PSD3: variants seen among roughly 807,000 people sequenced by gnomAD.
PSD3 encodes PH and SEC7 domain-containing protein 3.
Under a neutral mutation model 105.5 loss-of-function variants are expected in PSD3, and 49 were observed. The observed-to-expected ratio is 0.46, with a 90% confidence interval of 0.37 to 0.59. The LOEUF (loss-of-function observed/expected upper bound fraction) is 0.59. PSD3 is among the 20% of genes least tolerant of loss of function. The pLI, the probability that PSD3 is intolerant of heterozygous loss-of-function variation, is 0.00. For synonymous variants in PSD3, 557 were observed against 457.8 expected (o/e 1.22, Z -2.77); for missense variants, 1,561 against 1,263.8 (o/e 1.24, Z -3.57).
chr8:18,661,764 G>C (rs1044951829), intron 9 of PSD3, among the ~76,000 whole-genome samples: 2 of 152,294 alleles, frequency 1.3e-5, no homozygotes, highest in Admixed American at 1.3e-4. Flanking sequence ...CTGAAGGCTT[G>C]ACCACAAGAG....
intron 2 of PSD3, among the ~76,000 whole-genome samples, chr8:18,883,161 C>G (rs1418833001): frequency 2.0e-5 from 3 of 152,234 alleles, no homozygotes; most frequent in Middle Eastern, 3.4e-3. Context: ...ATACACGTTA[C>G]AGGATGAGAA....
chr8:19,069,178 G>C (rs1002960263), intron 1 of PSD3, among the ~76,000 whole-genome samples: 11 of 152,134 alleles, frequency 7.2e-5, no homozygotes, highest in African/African-American at 2.4e-4. Context: ...CTTTACAATG[G>C]TTCTCATAAA....
At chr8:19,041,237 T>C (rs1198756706) in intron 1 of PSD3, among the ~76,000 whole-genome samples, 4 of 152,192 alleles carry the variant, frequency 2.6e-5, no homozygotes, top group Admixed American at 1.3e-4. Context: ...TCTACTTTTA[T>C]GGCCCACTAC....
intron 1 of PSD3, among the ~76,000 whole-genome samples, chr8:18,948,877 C>G (rs552571856): frequency 1.6e-3 from 242 of 150,614 alleles, no homozygotes; most frequent in Middle Eastern, 6.8e-3. Flanking sequence ...AAGTAAGTGT[C>G]TTCTCACCTT....
chr8:18,976,762 C>T (rs1203022113), intron 1 of PSD3, among the ~76,000 whole-genome samples: 11 of 152,146 alleles, frequency 7.2e-5, no homozygotes, highest in Middle Eastern at 3.2e-3. Flanking sequence ...TCCATAGTAG[C>T]TGATTTTATC....
intron 15 of PSD3, among the ~76,000 whole-genome samples, chr8:18,547,173 T>C (rs753145605): frequency 2.2e-4 from 33 of 152,192 alleles, no homozygotes; most frequent in Admixed American, 5.9e-4. Flanking sequence ...CCAAGATTGG[T>C]GGCACACAGA....
intron 1 of PSD3, among the ~76,000 whole-genome samples, chr8:18,989,980 C>T (rs564496438): frequency 5.9e-5 from 9 of 152,312 alleles, no homozygotes; most frequent in African/African-American, 2.2e-4. Context: ...TTAATTGAGG[C>T]AGAAATCTAT....
chr8:18,650,313 C>T lies in PSD3; in HGVS notation c.2216+5329G>A, dbSNP rs552135742. Among the ~76,000 whole-genome samples, 9 of 151,648 alleles carry T rather than the reference C, an allele frequency of 5.9e-5. 1 individual carries two copies. In the South Asian group the frequency reaches 1.4e-3, roughly 24 times the overall value. Reference sequence around the variant, plus strand: ...CCCAATCACAAAGAGTAATTACTCACTTTGTTTATCACTTAGACTGGAAAT... The same window carrying T: ...CCCAATCACAAAGAGTAATTACTCATTTTGTTTATCACTTAGACTGGAAAT... On this transcript the variant is annotated intron_variant, in intron 10 of 15. Coordinates refer to ENST00000327040, the MANE Select transcript of PSD3 (RefSeq NM_015310.4).
intron 11 of PSD3, among the ~76,000 whole-genome samples, chr8:18,613,086 A>G (rs2130657437): frequency 6.6e-6 from 1 of 152,248 alleles, no homozygotes; most frequent in South Asian, 2.1e-4. Context: ...ACAAATCCCA[A>G]AATGACTCTC....
intron 8 of PSD3, among the ~76,000 whole-genome samples, chr8:18,782,078 G>A (rs377348318): frequency 6.6e-6 from 1 of 151,974 alleles, no homozygotes; most frequent in East Asian, 1.9e-4. Context: ...CATACAGATG[G>A]TGAAATGTTT....
At chr8:18,910,949 A>AAG (rs1482525471) in intron 2 of PSD3, among the ~76,000 whole-genome samples, 2 of 151,966 alleles carry the variant, frequency 1.3e-5, no homozygotes, top group Admixed American at 1.3e-4. Flanking sequence ...ATAAAAAAAA[A>AAG]AAAAATAAGT....
intron 1 of PSD3, among the ~76,000 whole-genome samples, chr8:19,033,020 A>C (rs1309154310): frequency 1.3e-5 from 2 of 152,052 alleles, no homozygotes; most frequent in Non-Finnish European, 2.9e-5. Context: ...GGAGGTGGGA[A>C]GATCCCTTGA....
chr8:18,842,820 A>T (rs1235038710), intron 4 of PSD3, among the ~76,000 whole-genome samples: 4 of 152,230 alleles, frequency 2.6e-5, no homozygotes, highest in African/African-American at 4.8e-5. Flanking sequence ...TTAGACAAAC[A>T]TCTATCAGGG....
chr8:18,614,143 ACT>A (rs1300869510), intron 11 of PSD3, among the ~76,000 whole-genome samples: 2 of 151,498 alleles, frequency 1.3e-5, no homozygotes, highest in African/African-American at 2.4e-5. Context: ...TCCTCTAATC[ACT>A]CTCTGCAACA....
chr8:18,808,333 T>C (rs1450477434), intron 4 of PSD3, among the ~76,000 whole-genome samples: 3 of 152,214 alleles, frequency 2.0e-5, no homozygotes, highest in Non-Finnish European at 4.4e-5. Context: ...TATTTAATCA[T>C]TCTGTGCAAA....
In PSD3 at chr8:18,547,912, C is replaced by T. The variant is rs1287503742; in HGVS notation, c.2928+8297G>A. 2.0e-5 allele frequency among the ~76,000 whole-genome samples: 3 copies of T among 152,124 alleles called. No homozygotes were observed. The East Asian group carries it at 5.8e-4, about 29-fold the overall frequency. ...CTTTCTGCCATGTTCCCTCTCTTGC[C>T]CTTATTACAGTCTATGATGCAGCAA... is the stretch of plus-strand genomic sequence containing the variant. On this transcript the variant is annotated intron_variant, in intron 15 of 15. Transcript: ENST00000327040.
chr8:18,774,395 A>G (rs1164111573), intron 8 of PSD3, among the ~76,000 whole-genome samples: 2 of 152,180 alleles, frequency 1.3e-5, no homozygotes, highest in Non-Finnish European at 2.9e-5. Flanking sequence ...ATTGCTCTCC[A>G]CCAGTTATTT....
At chr8:18,559,804 C>T (rs1801288131) in intron 14 of PSD3, among the ~76,000 whole-genome samples, 1 of 152,104 alleles carries the variant, frequency 6.6e-6, no homozygotes, top group Non-Finnish European at 1.5e-5. Flanking sequence ...ACAATATGTG[C>T]AACATCTTAT....
intron 9 of PSD3, among the ~76,000 whole-genome samples, chr8:18,679,091 T>C (rs1458510543): frequency 7.4e-6 from 1 of 134,950 alleles, no homozygotes; most frequent in Non-Finnish European, 1.7e-5. Flanking sequence ...AATAGGCAGA[T>C]ATCAATGTCC....
Sources: allele counts gnomAD v4.1 joint callset (sites outside exome capture counted in the v4.1 genomes callset), GRCh38; gene constraint gnomAD v4.1.1; transcripts MANE v1.5; gene names NCBI Gene and HGNC (gene_info 2026-07-23, HGNC 2026-07-21).